Variants in GFOD1 observed in about 807,000 individuals in gnomAD.
GFOD1 encodes glucose-fructose oxidoreductase domain-containing protein 1.
In GFOD1, 9 loss-of-function variants were observed where a neutral mutation model predicts 25.4. That is an observed-to-expected ratio of 0.35 (90% CI 0.21 to 0.62). The LOEUF (loss-of-function observed/expected upper bound fraction) is 0.62, where lower values mean the gene tolerates loss of function less well. Among genes scored for constraint, GFOD1 ranks in the 20% least tolerant of loss-of-function variants. The pLI, the probability that GFOD1 is intolerant of heterozygous loss-of-function variation, is 0.72. For synonymous variants in GFOD1, 253 were observed against 245.6 expected, an observed-to-expected ratio of 1.03 and a Z score of -0.28; for missense variants, 403 against 556.9, an observed-to-expected ratio of 0.72 and a Z score of 2.78.
chr6:13,421,556 A>G (rs1786257065), intron 1 of GFOD1, among the ~76,000 whole-genome samples: 1 of 152,160 alleles, frequency 6.6e-6, no homozygotes. Flanking sequence ...CCATATTTAA[A>G]AAAAAACCAT....
At chr6:13,486,165 T>A (rs966610246) in intron 1 of GFOD1, 1 of 989,166 alleles carries the variant, frequency 1.0e-6, no homozygotes, top group Non-Finnish European at 1.2e-6. Context: ...GACACACGTG[T>A]GCGGCCTTTT....
intron 1 of GFOD1, among the ~76,000 whole-genome samples, chr6:13,395,695 T>C (rs1374751930): frequency 6.6e-6 from 1 of 152,222 alleles, no homozygotes; most frequent in Non-Finnish European, 1.5e-5. Context: ...TGTTAGCCCT[T>C]TTCCACTTGA....
intron 1 of GFOD1, chr6:13,470,774 G>T: frequency 8.4e-7 from 1 of 1,197,104 alleles, no homozygotes; most frequent in Non-Finnish European, 1.1e-6. Flanking sequence ...TCATTACTTT[G>T]CCCTTGACTA....
intron 1 of GFOD1, among the ~76,000 whole-genome samples, chr6:13,419,879 C>T (rs1025089806): frequency 2.0e-5 from 3 of 152,240 alleles, no homozygotes; most frequent in Admixed American, 1.3e-4. Flanking sequence ...CTTCTCTGCC[C>T]ACCCCATGGA....
chr6:13,454,506 C>T (rs550853816), intron 1 of GFOD1, among the ~76,000 whole-genome samples: 2 of 152,162 alleles, frequency 1.3e-5, no homozygotes, highest in African/African-American at 2.4e-5. Context: ...ACTGGCATGC[C>T]CCCAAGTCCT....
chr6:13,475,008 C>A lies in GFOD1; in HGVS notation c.253+11630G>T, dbSNP rs75645894. 4.9e-3 allele frequency among the ~76,000 whole-genome samples: 740 copies of A among 152,196 alleles called. 11 individuals carry two copies. The highest frequency in any genetic ancestry group is 0.025 in the East Asian group (132 of 5,186). ...AAAAATAAGAGGAAGTATATGAAAC[C>A]AAAAACAAAAACTCTACGCCTTCCC... On this transcript the variant is annotated intron_variant, in intron 1 of 1. Transcript: ENST00000379287.
At position 13,466,351 on chromosome 6, in the gene GFOD1, T is replaced by G. The variant is rs552482016; in HGVS notation, c.253+20287A>C. ...CCCTCTCTGGGTTTTACATTTATAC[T>G]GGCCTGGTGAGGTCCACTAATTCTT... On this transcript the variant is annotated intron_variant, in intron 1 of 1. Transcript: ENST00000379287. 2.6e-5 allele frequency among the ~76,000 whole-genome samples: 4 copies of G among 152,368 alleles called. 1 individual carries two copies. The highest frequency in any genetic ancestry group is 2.6e-4 in the Admixed American group (4 of 15,310).
At chr6:13,393,843 G>A (rs577812749) in intron 1 of GFOD1, among the ~76,000 whole-genome samples, 1 of 140,000 alleles carries the variant, frequency 7.1e-6, no homozygotes, top group Non-Finnish European at 1.5e-5. Context: ...ACAGTGGTGC[G>A]ATCTCGGCTC....
intron 1 of GFOD1, among the ~76,000 whole-genome samples, chr6:13,445,147 C>G (rs1270852868): frequency 6.6e-6 from 1 of 152,154 alleles, no homozygotes; most frequent in Non-Finnish European, 1.5e-5. Flanking sequence ...CAGCCACAGG[C>G]GCCGAGGCTG....
rs1784953621 is a variant in GFOD1, at chr6:13,361,978, G to A, written c.*2765C>T. ...TTCGCGAGTATTATGGTTTAGTACA[G>A]AAACATACAATTGAAACCCCAGGAA... On this transcript the variant is annotated 3_prime_UTR_variant, in exon 2 of 2. Transcript: ENST00000379287. The A allele has an allele frequency of 6.6e-6, 1 of 152,104 alleles. No individual in the cohort carries two copies. Among genetic ancestry groups the A allele is most frequent in the African/African-American group, 2.4e-5 (1 of 41,416 alleles). The allele number at this position is 152,104 out of a possible 1,614,324, so 9.4% of individuals were successfully genotyped here.
chr6:13,447,986 G>A (rs12663753), intron 1 of GFOD1, among the ~76,000 whole-genome samples: 1 of 149,376 alleles, frequency 6.7e-6, no homozygotes, highest in East Asian at 1.9e-4. Flanking sequence ...GGAGGTGGTA[G>A]AATTTGGGGT....
chr6:13,446,694 GC>G (rs1758008591), intron 1 of GFOD1, among the ~76,000 whole-genome samples: 1 of 152,184 alleles, frequency 6.6e-6, no homozygotes, highest in African/African-American at 2.4e-5. Flanking sequence ...GTGGCCACCA[GC>G]TACAGCAAGG....
At chr6:13,378,096 C>A (rs1232343587) in intron 1 of GFOD1, among the ~76,000 whole-genome samples, 1 of 152,146 alleles carries the variant, frequency 6.6e-6, no homozygotes, top group Non-Finnish European at 1.5e-5. Flanking sequence ...AGGGGCTTCC[C>A]TTTGGCTCAC....
At chr6:13,463,128 C>T (rs183078370) in intron 1 of GFOD1, among the ~76,000 whole-genome samples, 11 of 152,304 alleles carry the variant, frequency 7.2e-5, no homozygotes, top group Non-Finnish European at 1.3e-4. Context: ...TCTGTGACAC[C>T]GCCCAGGGTA....
chr6:13,388,953 G>A (rs1267486311), intron 1 of GFOD1, among the ~76,000 whole-genome samples: 2 of 152,170 alleles, frequency 1.3e-5, no homozygotes, highest in Non-Finnish European at 2.9e-5. Flanking sequence ...AGTGGGCAAA[G>A]GACATGAACA....
At chr6:13,371,750 C>T (rs1281066936) in intron 1 of GFOD1, among the ~76,000 whole-genome samples, 1 of 152,232 alleles carries the variant, frequency 6.6e-6, no homozygotes, top group East Asian at 1.9e-4. Flanking sequence ...GAGGGGCTTT[C>T]TGTGCACATG....
At position 13,462,928 on chromosome 6, in the gene GFOD1, C is replaced by A. The variant is rs527939306; in HGVS notation, c.253+23710G>T. Among the ~76,000 whole-genome samples the A allele has an allele frequency of 5.3e-5, 8 of 152,284 alleles. No homozygotes were observed. In the East Asian group the frequency reaches 1.5e-3, roughly 29 times the overall value. Reference sequence around the variant, plus strand: ...AAGCAACAGCGAGATAAAAGTGAAGCATCTCCTGTTCAGGTTGCAAATGCC... The same window carrying A: ...AAGCAACAGCGAGATAAAAGTGAAGAATCTCCTGTTCAGGTTGCAAATGCC... On this transcript the variant is annotated intron_variant, in intron 1 of 1. Transcript: ENST00000379287.
chr6:13,477,344 C>G (rs1758651163), intron 1 of GFOD1, among the ~76,000 whole-genome samples: 1 of 151,862 alleles, frequency 6.6e-6, no homozygotes, highest in South Asian at 2.1e-4. Flanking sequence ...GGCAGACAGG[C>G]AGGCTGGAGA....
intron 1 of GFOD1, among the ~76,000 whole-genome samples, chr6:13,482,466 G>T (rs989634547): frequency 6.6e-6 from 1 of 152,074 alleles, no homozygotes; most frequent in Non-Finnish European, 1.5e-5. Flanking sequence ...TCCCACACAG[G>T]CCAGGCGTAG....
Sources: allele counts gnomAD v4.1 joint callset (sites outside exome capture counted in the v4.1 genomes callset), GRCh38; gene constraint gnomAD v4.1.1; transcripts MANE v1.5; gene names NCBI Gene and HGNC (gene_info 2026-07-23, HGNC 2026-07-21).